TULP3: variants seen among roughly 807,000 people sequenced by gnomAD.
TULP3 encodes TUB like protein 3.
TULP3 carries 38 observed loss-of-function variants against 50.7 expected under a neutral mutation model. That is an observed-to-expected ratio of 0.75 (90% CI 0.58 to 0.98). The LOEUF (loss-of-function observed/expected upper bound fraction) is 0.98. TULP3 is among the 50% of genes least tolerant of loss of function. The probability of loss-of-function intolerance (pLI) is 0.00; values close to 1 mark genes in which losing one functional copy is unlikely to be tolerated. For synonymous variants in TULP3, 183 were observed against 196.6 expected, an observed-to-expected ratio of 0.93 and a Z score of 0.58; for missense variants, 550 against 568.0, an observed-to-expected ratio of 0.97 and a Z score of 0.32.
Position 2,940,768 on chromosome 12 carries a change from C to G in TULP3, c.*1324C>G, listed in dbSNP as rs767974737. On this transcript the variant is annotated 3_prime_UTR_variant, in exon 11 of 11. Transcript: ENST00000448120. ...AGCTGCGGGACCCTTGGCTTGTCCC[C>G]CACCGACAAGTCCCACCTGCTGGGT... 23 of 1,499,452 alleles carry G rather than the reference C, an allele frequency of 1.5e-5. No individual in the cohort carries two copies. Among genetic ancestry groups the G allele is most frequent in the Middle Eastern group, 1.7e-4 (1 of 5,772 alleles). 92.9% of individuals were successfully genotyped at this position (1,499,452 alleles called of 1,614,324 possible).
chr12:2,934,439 G>T lies in TULP3; in HGVS notation c.810-8G>T. On this transcript the variant is annotated splice_polypyrimidine_tract_variant and splice_region_variant and intron_variant, in intron 7 of 10. Coordinates refer to ENST00000448120, the MANE Select transcript of TULP3 (RefSeq NM_003324.5). ...GATCATCATGGTGACTTTTTCTCCT[G>T]ACTCCAGATCCAACCTCATGGGGAC... 2 of 1,540,564 alleles carry T rather than the reference G, an allele frequency of 1.3e-6. No homozygotes were observed. The highest frequency in any genetic ancestry group is 2.1e-5 in the Admixed American group (1 of 46,940).
chr12:2,920,066 A>G (rs1485946871), intron 2 of TULP3, among the ~76,000 whole-genome samples: 3 of 151,902 alleles, frequency 2.0e-5, no homozygotes, highest in African/African-American at 7.2e-5. Context: ...AGAGAAAACA[A>G]TCATGCCATA....
intron 6 of TULP3, among the ~76,000 whole-genome samples, chr12:2,932,933 T>C (rs190537178): frequency 2.0e-5 from 3 of 151,126 alleles, no homozygotes; most frequent in African/African-American, 7.2e-5. Context: ...TAGTGAATTA[T>C]TTTATTTTTA....
intron 3 of TULP3, among the ~76,000 whole-genome samples, chr12:2,921,818 TTA>T (rs1428424845): frequency 6.6e-6 from 1 of 152,134 alleles, no homozygotes; most frequent in African/African-American, 2.4e-5. Flanking sequence ...GCGTGGTGGC[TTA>T]TACCTGTGAT....
In TULP3 at chr12:2,940,318, A is replaced by T; in HGVS notation, c.*874A>T. 1.4e-6 allele frequency: 2 copies of T among 1,394,928 alleles called. No homozygotes were observed. The highest frequency in any genetic ancestry group is 1.9e-6 in the Non-Finnish European group (2 of 1,078,010). 86.4% of individuals were successfully genotyped at this position (1,394,928 alleles called of 1,614,324 possible). On this transcript the variant is annotated 3_prime_UTR_variant, in exon 11 of 11. Transcript: ENST00000448120. ...GATGGCAGTATTGACCATTTAGTTTAGTTAAAAAAAAAAAAAAAAAGGTGG... is the reference window on the plus strand; with the variant it reads ...GATGGCAGTATTGACCATTTAGTTTTGTTAAAAAAAAAAAAAAAAAGGTGG...
At chr12:2,916,829 AAGAT>A (rs2153949323) in intron 2 of TULP3, among the ~76,000 whole-genome samples, 1 of 152,366 alleles carries the variant, frequency 6.6e-6, no homozygotes, top group Admixed American at 6.5e-5. Flanking sequence ...GGACAGTAGT[AAGAT>A]CATTCAATAC....
At chr12:2,917,116 T>C (rs1276132963) in intron 2 of TULP3, among the ~76,000 whole-genome samples, 3 of 152,204 alleles carry the variant, frequency 2.0e-5, no homozygotes, top group Admixed American at 6.5e-5. Context: ...CCCCAAGTTA[T>C]TAATTTATAA....
At chr12:2,927,256 T>G (rs749879544) in intron 4 of TULP3, among the ~76,000 whole-genome samples, 1 of 152,212 alleles carries the variant, frequency 6.6e-6, no homozygotes, top group Non-Finnish European at 1.5e-5. Context: ...AAACCACATT[T>G]TGTTGATCAG....
chr12:2,934,396 T>G, intron 7 of TULP3, 51 bp from the exon 8 acceptor site: 1 of 1,263,648 alleles, frequency 7.9e-7, no homozygotes, highest in Non-Finnish European at 1.1e-6. Context: ...ATTGTGTTTG[T>G]ATAAGAAAAA....
chr12:2,940,667 C>G lies in TULP3; in HGVS notation c.*1223C>G. The G allele has an allele frequency of 1.3e-6, 2 of 1,551,742 alleles. No homozygotes were observed. The highest frequency in any genetic ancestry group is 1.7e-6 in the Non-Finnish European group (2 of 1,146,996). ...GCGGCTGCTCCCTCAGACCTCCCTT[C>G]TGTGGACTGACCTCTCACCTCCGCC... On this transcript the variant is annotated 3_prime_UTR_variant, in exon 11 of 11. Transcript: ENST00000448120.
chr12:2,935,099 C>A (rs2098200333), intron 8 of TULP3, among the ~76,000 whole-genome samples: 1 of 152,182 alleles, frequency 6.6e-6, no homozygotes. Flanking sequence ...TCCAGTTGAT[C>A]CTCCTGTTCT....
chr12:2,935,932 GCAC>G (rs768663703), intron 8 of TULP3, among the ~76,000 whole-genome samples: 2 of 151,754 alleles, frequency 1.3e-5, no homozygotes, highest in Non-Finnish European at 2.9e-5. Flanking sequence ...ATCACACCAT[GCAC>G]TCTAGCCTGG....
At chr12:2,907,361 G>C (rs2098182901) in intron 1 of TULP3, among the ~76,000 whole-genome samples, 1 of 151,132 alleles carries the variant, frequency 6.6e-6, no homozygotes, top group Non-Finnish European at 1.5e-5. Context: ...TATAGTCCCA[G>C]GTACTTGGAA....
At chr12:2,926,551 T>C (rs567697006) in intron 4 of TULP3, among the ~76,000 whole-genome samples, 3 of 152,218 alleles carry the variant, frequency 2.0e-5, no homozygotes, top group African/African-American at 7.2e-5. Flanking sequence ...CAAATAATTT[T>C]TTTAAGTAAC....
At chr12:2,938,562 G>A (rs563837821) in intron 10 of TULP3, among the ~76,000 whole-genome samples, 16 of 152,198 alleles carry the variant, frequency 1.1e-4, no homozygotes, top group Non-Finnish European at 2.2e-4. Flanking sequence ...TTGGGAGGCC[G>A]AGGTGGGCAG....
chr12:2,921,059 C>T, intron 3 of TULP3, 137 bp downstream of exon 3: 1 of 1,027,422 alleles, frequency 9.7e-7, no homozygotes. Context: ...TTTATAATCA[C>T]ATTTGGGGTC....
intron 2 of TULP3, among the ~76,000 whole-genome samples, chr12:2,918,811 A>AT (rs2098190146): frequency 6.6e-6 from 1 of 152,130 alleles, no homozygotes; most frequent in South Asian, 2.1e-4. Flanking sequence ...AAGTGCTGGG[A>AT]TTACAGGCAT....
At chr12:2,913,560 G>A (rs2098186904) in intron 2 of TULP3, among the ~76,000 whole-genome samples, 2 of 151,836 alleles carry the variant, frequency 1.3e-5, no homozygotes, top group Non-Finnish European at 2.9e-5. Context: ...CATCATGCCT[G>A]GTCAAGTTTT....
intron 3 of TULP3, among the ~76,000 whole-genome samples, chr12:2,921,742 TTACTGAAG>T (rs1705622189): frequency 6.6e-6 from 1 of 152,114 alleles, no homozygotes; most frequent in Admixed American, 6.6e-5. Context: ...ATTACTTCAG[TTACTGAAG>T]TACAAGTACA....
Sources: gnomAD v4.1 joint callset for allele counts (sites outside exome capture counted in the v4.1 genomes callset) on GRCh38, gnomAD v4.1.1 for gene constraint, MANE v1.5 for transcripts, NCBI Gene and HGNC (gene_info 2026-07-23, HGNC 2026-07-21) for gene names.